SRRM4: variants seen among roughly 807,000 people sequenced by gnomAD.
SRRM4 encodes the protein serine/arginine repetitive matrix protein 4.
SRRM4 carries 33 observed loss-of-function variants against 68.9 expected under a neutral mutation model. The ratio of observed to expected loss-of-function variants is 0.48; its 90% CI spans 0.36 to 0.64. The LOEUF is 0.64. SRRM4 is among the 30% of genes least tolerant of loss of function. The probability of loss-of-function intolerance (pLI) is 0.00; values close to 1 mark genes in which losing one functional copy is unlikely to be tolerated. For missense variants in SRRM4, 817 were observed against 827.1 expected (o/e 0.99, Z 0.15); for synonymous variants, 318 against 318.8 (o/e 1.00, Z 0.03).
chr12:119,108,354 A>C (rs568674962), intron 2 of SRRM4, among the ~76,000 whole-genome samples: 1 of 152,300 alleles, frequency 6.6e-6, no homozygotes, highest in South Asian at 2.1e-4. Flanking sequence ...AGCTGAGTTC[A>C]ATTCCTGGAT....
chr12:119,119,657 G>C (rs1014527645), intron 4 of SRRM4, among the ~76,000 whole-genome samples: 2 of 152,148 alleles, frequency 1.3e-5, no homozygotes, highest in Non-Finnish European at 2.9e-5. Context: ...GGGGAAGATT[G>C]AATGAGATTG....
At chr12:119,153,956 CG>C (rs1954455925) in intron 11 of SRRM4, among the ~76,000 whole-genome samples, 1 of 152,054 alleles carries the variant, frequency 6.6e-6, no homozygotes, top group African/African-American at 2.4e-5. Context: ...CCAGGGCCTG[CG>C]TAACATTCAC....
intron 1 of SRRM4, among the ~76,000 whole-genome samples, chr12:119,048,643 A>G (rs1485171632): frequency 6.6e-6 from 1 of 152,080 alleles, no homozygotes; most frequent in Non-Finnish European, 1.5e-5. Flanking sequence ...AATAATAGCA[A>G]TTGCGGGCTG....
intron 1 of SRRM4, among the ~76,000 whole-genome samples, chr12:119,073,256 T>A (rs1243547803): frequency 6.6e-6 from 1 of 151,952 alleles, no homozygotes; most frequent in Non-Finnish European, 1.5e-5. Context: ...ACTTGCTGTG[T>A]GACCTTGAAC....
At chr12:119,046,583 G>A (rs2136014697) in intron 1 of SRRM4, among the ~76,000 whole-genome samples, 1 of 152,256 alleles carries the variant, frequency 6.6e-6, no homozygotes, top group South Asian at 2.1e-4. Flanking sequence ...AGAGGAGGGA[G>A]AGCATTTAAC....
chr12:119,049,225 A>G (rs762512026), intron 1 of SRRM4, among the ~76,000 whole-genome samples: 1 of 152,186 alleles, frequency 6.6e-6, no homozygotes, highest in Non-Finnish European at 1.5e-5. Context: ...GGTGTTTAAG[A>G]ATCTCACTCA....
intron 1 of SRRM4, among the ~76,000 whole-genome samples, chr12:118,985,618 C>T (rs975912203): frequency 2.6e-5 from 4 of 152,116 alleles, no homozygotes; most frequent in African/African-American, 4.8e-5. Context: ...CAGCATGAAT[C>T]GATAAGATAT....
At chr12:119,100,500 AT>A (rs1469207185) in intron 1 of SRRM4, among the ~76,000 whole-genome samples, 1 of 151,864 alleles carries the variant, frequency 6.6e-6, no homozygotes, top group Non-Finnish European at 1.5e-5. Context: ...AAAAAAAAAA[AT>A]GTGTTACCAT....
intron 8 of SRRM4, among the ~76,000 whole-genome samples, chr12:119,140,591 G>A (rs1265029554): frequency 6.6e-6 from 1 of 152,208 alleles, no homozygotes; most frequent in Non-Finnish European, 1.5e-5. Flanking sequence ...TATGCAGGCT[G>A]GCAGCCTTGC....
intron 1 of SRRM4, among the ~76,000 whole-genome samples, chr12:119,032,901 T>G (rs1417344886): frequency 6.6e-6 from 1 of 152,204 alleles, no homozygotes; most frequent in Non-Finnish European, 1.5e-5. Flanking sequence ...GTTGAGAATT[T>G]AAAATTTATC....
chr12:119,102,512 G>A (rs563398706), intron 2 of SRRM4, 130 bp downstream of exon 2: 63 of 699,478 alleles, frequency 9.0e-5, no homozygotes, highest in South Asian at 3.3e-4. Context: ...AATATTTACC[G>A]TAGAGGAACA....
chr12:119,134,575 T>C (rs116755395), intron 8 of SRRM4, among the ~76,000 whole-genome samples: 4 of 152,244 alleles, frequency 2.6e-5, no homozygotes, highest in Middle Eastern at 6.8e-3. Context: ...AGTTGGTAAA[T>C]AGGCCCTGTC....
intron 1 of SRRM4, among the ~76,000 whole-genome samples, chr12:119,070,441 C>T (rs1169000830): frequency 6.6e-6 from 1 of 152,062 alleles, no homozygotes; most frequent in Non-Finnish European, 1.5e-5. Flanking sequence ...AATTTCCAAA[C>T]TATATTCTGT....
intron 1 of SRRM4, among the ~76,000 whole-genome samples, chr12:119,060,362 C>G (rs980713996): frequency 6.7e-6 from 1 of 149,916 alleles, no homozygotes; most frequent in African/African-American, 2.5e-5. Flanking sequence ...CACTCCTATC[C>G]CACACTGTTG....
chr12:119,128,900 T>C (rs1029347513), intron 7 of SRRM4, among the ~76,000 whole-genome samples: 1 of 152,228 alleles, frequency 6.6e-6, no homozygotes, highest in Admixed American at 6.5e-5. Flanking sequence ...CCTGATGGTG[T>C]TGGCATCTGA....
At chr12:119,140,539 A>G (rs1029675995) in intron 8 of SRRM4, among the ~76,000 whole-genome samples, 5 of 152,194 alleles carry the variant, frequency 3.3e-5, no homozygotes, top group African/African-American at 1.2e-4. Flanking sequence ...CCATCATTCC[A>G]TTCTCTATAG....
At chr12:119,094,434 G>A (rs1954031194) in intron 1 of SRRM4, among the ~76,000 whole-genome samples, 1 of 152,178 alleles carries the variant, frequency 6.6e-6, no homozygotes, top group South Asian at 2.1e-4. Context: ...CCATGCACAT[G>A]AAGGCTTGAA....
intron 1 of SRRM4, among the ~76,000 whole-genome samples, chr12:119,080,933 C>G (rs751835504): frequency 6.6e-6 from 1 of 152,190 alleles, no homozygotes; most frequent in Non-Finnish European, 1.5e-5. Context: ...TCTGAGCACA[C>G]AAGCCCCAAT....
intron 1 of SRRM4, among the ~76,000 whole-genome samples, chr12:119,014,969 T>C (rs1953472197): frequency 1.3e-5 from 2 of 152,330 alleles, no homozygotes; most frequent in South Asian, 4.1e-4. Flanking sequence ...AGCATTGCTG[T>C]AATTGTGAGA....
Sources: allele counts gnomAD v4.1 joint callset (sites outside exome capture counted in the v4.1 genomes callset), GRCh38; gene constraint gnomAD v4.1.1; transcripts MANE v1.5; gene names NCBI Gene and HGNC (gene_info 2026-07-23, HGNC 2026-07-21).